NAALADL2: variants seen among roughly 807,000 people sequenced by gnomAD.
NAALADL2 encodes N-acetylated alpha-linked acidic dipeptidase like 2.
Under a neutral mutation model 87.2 loss-of-function variants are expected in NAALADL2, and 76 were observed. The ratio of observed to expected loss-of-function variants is 0.87; its 90% confidence interval spans 0.72 to 1.05. The LOEUF is 1.05. NAALADL2 is among the 50% of genes least tolerant of loss of function. The pLI is 0.00. For synonymous variants in NAALADL2, 354 were observed against 331.0 expected, an observed-to-expected ratio of 1.07 and a Z score of -0.75; for missense variants, 1,089 against 945.8, an observed-to-expected ratio of 1.15 and a Z score of -1.99.
intron 10 of NAALADL2, among the ~76,000 whole-genome samples, chr3:175,603,616 A>G (rs1002815670): frequency 2.6e-5 from 4 of 152,210 alleles, no homozygotes; most frequent in African/African-American, 2.4e-5. Flanking sequence ...AAAGTCCCCA[A>G]GGTTTTTTCA....
chr3:175,041,597 G>A (rs945576329), intron 1 of NAALADL2, among the ~76,000 whole-genome samples: 1 of 152,104 alleles, frequency 6.6e-6, no homozygotes, highest in Non-Finnish European at 1.5e-5. Flanking sequence ...GTCTTTAAAA[G>A]TGTGGTTTCC....
chr3:174,554,230 A>G (rs1712476674), intron 2 of NAALADL2, among the ~76,000 whole-genome samples: 1 of 152,138 alleles, frequency 6.6e-6, no homozygotes, highest in Admixed American at 6.5e-5. Context: ...AGCTTTATAC[A>G]TAAACAAAAT....
chr3:174,871,618 G>T (rs1429296500), intron 1 of NAALADL2, among the ~76,000 whole-genome samples: 1 of 152,084 alleles, frequency 6.6e-6, no homozygotes, highest in African/African-American at 2.4e-5. Context: ...TACTAACTTG[G>T]CCGGGCACAG....
intron 4 of NAALADL2, among the ~76,000 whole-genome samples, chr3:175,304,854 C>T (rs1199753493): frequency 6.6e-6 from 1 of 152,014 alleles, no homozygotes; most frequent in Non-Finnish European, 1.5e-5. Context: ...TTATTTTCTA[C>T]TTTATTTTCT....
At chr3:175,631,925 T>C (rs1339584689) in intron 11 of NAALADL2, among the ~76,000 whole-genome samples, 1 of 152,038 alleles carries the variant, frequency 6.6e-6, no homozygotes, top group African/African-American at 2.4e-5. Context: ...AGTCCCAACA[T>C]TCAGCAAGAC....
intron 9 of NAALADL2, among the ~76,000 whole-genome samples, chr3:175,560,161 G>A (rs919888173): frequency 6.6e-6 from 1 of 152,042 alleles, no homozygotes; most frequent in Non-Finnish European, 1.5e-5. Flanking sequence ...TTAAATCTTT[G>A]TAGGTTGTAT....
chr3:174,678,534 G>A (rs1727251770), intron 2 of NAALADL2, among the ~76,000 whole-genome samples: 1 of 152,096 alleles, frequency 6.6e-6, no homozygotes, highest in Admixed American at 6.6e-5. Flanking sequence ...GGTATTTGAT[G>A]TAATCACACT....
chr3:175,157,551 C>G (rs1732508617), intron 2 of NAALADL2, among the ~76,000 whole-genome samples: 1 of 152,030 alleles, frequency 6.6e-6, no homozygotes, highest in African/African-American at 2.4e-5. Flanking sequence ...TCTGAATTAG[C>G]CTTCTTATTA....
intron 1 of NAALADL2, among the ~76,000 whole-genome samples, chr3:174,532,719 T>G (rs770113025): frequency 2.6e-5 from 4 of 152,160 alleles, no homozygotes; most frequent in Non-Finnish European, 5.9e-5. Flanking sequence ...TTTTTCAGCA[T>G]CCTTTTCTTT....
intron 1 of NAALADL2, among the ~76,000 whole-genome samples, chr3:174,987,812 T>TATATATATATAATTTTTTATA (rs1553911297): frequency 8.3e-6 from 1 of 120,084 alleles, no homozygotes; most frequent in African/African-American, 4.6e-5. Context: ...ATATATATAA[T>TATATATATATAATTTTTTATA]TATATATATA....
chr3:174,482,014 C>A (rs1717584394), intron 1 of NAALADL2, among the ~76,000 whole-genome samples: 2 of 152,068 alleles, frequency 1.3e-5, no homozygotes, highest in South Asian at 4.2e-4. Context: ...ATGGGGGAAC[C>A]CTTCCAAGAT....
Position 175,466,589 on chromosome 3 carries a change from G to A in NAALADL2, c.1328-390G>A, listed in dbSNP as rs749543117. Among the ~76,000 whole-genome samples, 75 of 152,104 alleles carry A rather than the reference G, an allele frequency of 4.9e-4. 1 individual carries two copies. The highest frequency in any genetic ancestry group is 6.8e-3 in the Middle Eastern group (2 of 294). On this transcript the variant is annotated intron_variant, in intron 7 of 13. Coordinates refer to ENST00000454872, the MANE Select transcript of NAALADL2 (RefSeq NM_207015.3). ...CTACCACATTTTTAATATTTAAAGC[G>A]CCTTCTTAAATGTATTAATAGTTTA...
At chr3:175,276,371 C>G (rs1161767561) in intron 4 of NAALADL2, among the ~76,000 whole-genome samples, 1 of 149,720 alleles carries the variant, frequency 6.7e-6, no homozygotes, top group African/African-American at 2.5e-5. Context: ...GTGATCTCAG[C>G]TCACTGCAAC....
At chr3:174,865,465 G>T (rs1176117875) in intron 1 of NAALADL2, among the ~76,000 whole-genome samples, 1 of 151,912 alleles carries the variant, frequency 6.6e-6, no homozygotes, top group Non-Finnish European at 1.5e-5. Context: ...CATGAGAAGA[G>T]AGGAATGAAG....
At chr3:175,423,452 T>G (rs1716221546) in intron 5 of NAALADL2, among the ~76,000 whole-genome samples, 1 of 135,314 alleles carries the variant, frequency 7.4e-6, no homozygotes, top group Non-Finnish European at 1.6e-5. Flanking sequence ...GTGTGTGATG[T>G]TCCCCTTCCT....
chr3:174,596,509 G>A (rs1717923177), intron 2 of NAALADL2, among the ~76,000 whole-genome samples: 1 of 152,042 alleles, frequency 6.6e-6, no homozygotes, highest in Non-Finnish European at 1.5e-5. Flanking sequence ...TCAGATTACT[G>A]AGCCCAGATT....
chr3:175,008,368 G>A (rs1749322234), intron 1 of NAALADL2, among the ~76,000 whole-genome samples: 1 of 152,146 alleles, frequency 6.6e-6, no homozygotes. Context: ...GTGGCCGAGT[G>A]AGACCTCGTT....
intron 3 of NAALADL2, among the ~76,000 whole-genome samples, chr3:174,805,380 T>G (rs1465193910): frequency 6.6e-6 from 1 of 152,190 alleles, no homozygotes; most frequent in Non-Finnish European, 1.5e-5. Flanking sequence ...TATTTTTTTC[T>G]GTTTTTTGTT....
At chr3:174,470,016 C>T (rs1446059298) in intron 1 of NAALADL2, among the ~76,000 whole-genome samples, 1 of 151,730 alleles carries the variant, frequency 6.6e-6, no homozygotes, top group African/African-American at 2.4e-5. Flanking sequence ...TACTTAACAC[C>T]GAAAAATTAA....
Sources: allele counts gnomAD v4.1 joint callset (sites outside exome capture counted in the v4.1 genomes callset), GRCh38; gene constraint gnomAD v4.1.1; transcripts MANE v1.5; gene names NCBI Gene and HGNC (gene_info 2026-07-23, HGNC 2026-07-21).